ARHGAP18: variants seen among roughly 807,000 people sequenced by gnomAD.
ARHGAP18 encodes the protein Rho GTPase activating protein 18, also known as rho GTPase-activating protein 18.
ARHGAP18 carries 67 observed loss-of-function variants against 86.2 expected under a neutral mutation model. That is an observed-to-expected ratio of 0.78 (90% CI 0.64 to 0.95). The LOEUF is 0.95. Ranked by LOEUF, ARHGAP18 falls within the 40% of genes least tolerant of loss-of-function variation. ARHGAP18 has a pLI of 0.00. For synonymous variants in ARHGAP18, 283 were observed against 280.4 expected, an observed-to-expected ratio of 1.01 and a Z score of -0.09; for missense variants, 691 against 780.4, an observed-to-expected ratio of 0.89 and a Z score of 1.37.
intron 1 of ARHGAP18, among the ~76,000 whole-genome samples, chr6:129,657,270 C>T (rs1484161844): frequency 6.6e-6 from 1 of 151,976 alleles, no homozygotes; most frequent in Non-Finnish European, 1.5e-5. Flanking sequence ...TTAAGAAAGG[C>T]TTTGCTGATC....
chr6:129,622,487 GAT>G (rs1428099313), intron 5 of ARHGAP18, among the ~76,000 whole-genome samples: 7 of 152,054 alleles, frequency 4.6e-5, no homozygotes, highest in African/African-American at 1.7e-4. Flanking sequence ...TTTACCTAGC[GAT>G]ATATGTCATG....
intron 1 of ARHGAP18, among the ~76,000 whole-genome samples, chr6:129,658,670 G>A (rs556592317): frequency 7.9e-5 from 12 of 152,274 alleles, no homozygotes; most frequent in African/African-American, 2.9e-4. Context: ...CTATTTATAG[G>A]TAACAGTAAC....
intron 13 of ARHGAP18, among the ~76,000 whole-genome samples, chr6:129,582,150 C>T (rs902419332): frequency 1.4e-5 from 2 of 145,234 alleles, no homozygotes; most frequent in Non-Finnish European, 3.0e-5. Context: ...GGAGGAAGAG[C>T]GGGATGAAGA....
intron 1 of ARHGAP18, among the ~76,000 whole-genome samples, chr6:129,671,697 G>A (rs942697351): frequency 1.1e-4 from 16 of 152,066 alleles, no homozygotes; most frequent in Admixed American, 5.9e-4. Context: ...AACAGAGTAA[G>A]ACTCTGTCTC....
chr6:129,630,510 C>T (rs1773176727), intron 4 of ARHGAP18, among the ~76,000 whole-genome samples: 1 of 152,064 alleles, frequency 6.6e-6, no homozygotes, highest in South Asian at 2.1e-4. Flanking sequence ...CATACGAACA[C>T]AACAAAGTGA....
rs531298267 is a variant in ARHGAP18, at chr6:129,624,741, TC to T, written c.786+4611del. 2.0e-3 allele frequency among the ~76,000 whole-genome samples: 298 copies of T among 151,034 alleles called. 2 individuals are homozygous for T. The highest frequency in any genetic ancestry group is 7.0e-3 in the African/African-American group (287 of 41,076). ...GGGTGGATCACCTGAGGAGAGGAGT[TC>T]AAGACAAGCCTGGCCAAGATGGTGA... On this transcript the variant is annotated intron_variant, in intron 5 of 14. Transcript: ENST00000368149.
In ARHGAP18 at chr6:129,638,577, G is replaced by T. The variant is rs146587551; in HGVS notation, c.369C>A (p.Phe123Leu). ...WLKEAGLSNLFGESAGDPQES... is the reference protein window; with the variant it reads ...WLKEAGLSNLLGESAGDPQES... ...CCTGTGGATCTCCAGCAGACTCTCC[G>T]AAGAGATTGGATAAACCGGCCTCTT... is the stretch of plus-strand genomic sequence containing the variant. Residue 123 changes from phenylalanine (F) to leucine (L), a missense_variant, in exon 3 of 15, where the codon TTC becomes TTA. Physicochemically the swap from Phe to Leu is conservative, Grantham distance 22 (BLOSUM62 0). Transcript: ENST00000368149. The T allele has an allele frequency of 2.6e-5, 42 of 1,613,990 alleles. No homozygotes were observed. Among genetic ancestry groups the T allele is most frequent in the South Asian group, 3.3e-5 (3 of 91,078 alleles).
intron 1 of ARHGAP18, among the ~76,000 whole-genome samples, chr6:129,642,909 G>T (rs948496682): frequency 9.9e-5 from 15 of 151,914 alleles, no homozygotes; most frequent in African/African-American, 3.4e-4. Context: ...ATTCAAAACT[G>T]GGGTACAAAC....
intron 1 of ARHGAP18, among the ~76,000 whole-genome samples, chr6:129,675,383 CAAAA>C (rs71664105): frequency 3.3e-5 from 3 of 90,624 alleles, no homozygotes; most frequent in Admixed American, 1.2e-4. Context: ...GACTCCATCT[CAAAA>C]AAAAAAAAAA....
At position 129,634,439 on chromosome 6, in the gene ARHGAP18, A is replaced by G. The variant is rs557847969; in HGVS notation, c.553-334T>C. The stretch of plus-strand genomic sequence containing the variant: ...AGTAGCTATTAATTGACAAATGGAT[A>G]AGCAAAATGTGGTCTATCTGTACAG... On this transcript the variant is annotated intron_variant, in intron 3 of 14. Coordinates refer to ENST00000368149, the MANE Select transcript of ARHGAP18 (RefSeq NM_033515.3). Among the ~76,000 whole-genome samples, 10 of 152,340 alleles carry G rather than the reference A, an allele frequency of 6.6e-5. No individual in the cohort carries two copies. The East Asian group carries it at 1.3e-3, about 21-fold the overall frequency.
intron 1 of ARHGAP18, among the ~76,000 whole-genome samples, chr6:129,655,925 T>G (rs1051744780): frequency 6.6e-6 from 1 of 152,226 alleles, no homozygotes; most frequent in Admixed American, 6.5e-5. Flanking sequence ...AAAAAGAACT[T>G]CACCCACATA....
At chr6:129,633,923 C>T (rs1773271485) in intron 4 of ARHGAP18, 119 bp downstream of exon 4, 1 of 855,834 alleles carries the variant, frequency 1.2e-6, no homozygotes, top group Non-Finnish European at 1.8e-6. Flanking sequence ...TGAGACCTTA[C>T]ATTAACATTT....
At chr6:129,628,115 G>A (rs147912883) in intron 5 of ARHGAP18, among the ~76,000 whole-genome samples, 1 of 152,092 alleles carries the variant, frequency 6.6e-6, no homozygotes. Context: ...CATAATAAAT[G>A]TATTTTTTAG....
chr6:129,669,394 G>A (rs1056625791), intron 1 of ARHGAP18, among the ~76,000 whole-genome samples: 1 of 151,712 alleles, frequency 6.6e-6, no homozygotes, highest in Admixed American at 6.6e-5. Context: ...GGATGGTCTC[G>A]ATCTCCTGAT....
chr6:129,688,802 A>AC (rs1774477319), intron 1 of ARHGAP18, among the ~76,000 whole-genome samples: 1 of 151,942 alleles, frequency 6.6e-6, no homozygotes, highest in Admixed American at 6.6e-5. Context: ...CAAAAAAAAA[A>AC]AATATGCCTT....
At chr6:129,658,607 AT>A (rs1378615735) in intron 1 of ARHGAP18, among the ~76,000 whole-genome samples, 2 of 152,172 alleles carry the variant, frequency 1.3e-5, no homozygotes, top group Non-Finnish European at 2.9e-5. Context: ...TTCACTTTCC[AT>A]TTCTAATCCC....
intron 1 of ARHGAP18, among the ~76,000 whole-genome samples, chr6:129,706,753 G>A (rs1774808152): frequency 6.6e-6 from 1 of 151,390 alleles, no homozygotes; most frequent in Admixed American, 6.6e-5. Flanking sequence ...CAGGGGTGGT[G>A]GCACTCGCCT....
intron 1 of ARHGAP18, among the ~76,000 whole-genome samples, chr6:129,644,252 T>A (rs1420854758): frequency 6.6e-6 from 1 of 152,190 alleles, no homozygotes; most frequent in Admixed American, 6.5e-5. Context: ...TGTTTACATC[T>A]CTGTATTCCA....
intron 1 of ARHGAP18, among the ~76,000 whole-genome samples, chr6:129,669,172 CTT>C (rs760713815): frequency 2.1e-5 from 3 of 144,962 alleles, no homozygotes; most frequent in African/African-American, 2.5e-5. Flanking sequence ...CTAACACGCA[CTT>C]TTTTTTTTTT....
Sources: gnomAD v4.1 joint callset for allele counts (sites outside exome capture counted in the v4.1 genomes callset) on GRCh38, gnomAD v4.1.1 for gene constraint, MANE v1.5 for transcripts, NCBI Gene and HGNC (gene_info 2026-07-23, HGNC 2026-07-21) for gene names.